BAAT: variants seen among roughly 807,000 people sequenced by gnomAD.
BAAT encodes bile acid CoA: amino acid N-acyltransferase (glycine N-choloyltransferase).
Under a neutral mutation model 18.9 loss-of-function variants are expected in BAAT, and 13 were observed. The ratio of observed to expected loss-of-function variants is 0.69; its 90% CI spans 0.45 to 1.10. The LOEUF (loss-of-function observed/expected upper bound fraction) is 1.10, where lower values mean the gene tolerates loss of function less well. Among genes scored for constraint, BAAT ranks in the 50% least tolerant of loss-of-function variants. BAAT has a pLI of 0.00. For missense variants in BAAT, 489 were observed against 504.0 expected, an observed-to-expected ratio of 0.97 and a Z score of 0.28; for synonymous variants, 170 against 190.7, an observed-to-expected ratio of 0.89 and a Z score of 0.89.
rs182906648 is a variant in BAAT at position 101,381,619 on chromosome 9, A to C, written c.-60+3236T>G. The stretch of plus-strand genomic sequence containing the variant: ...AAGCAAGTGGTTATTTTTCAGAAAC[A>C]CATTGTCAAAAAAAGACAGATTGAA... On this transcript the variant is annotated intron_variant, in intron 1 of 3. Transcript: ENST00000259407. Among the ~76,000 whole-genome samples the C allele has an allele frequency of 4.6e-5, 7 of 152,304 alleles. No homozygotes were observed. In the East Asian group the frequency reaches 1.4e-3, roughly 29 times the overall value.
Position 101,371,043 on chromosome 9 carries a change from G to A in BAAT, c.362C>T (p.Ala121Val), listed in dbSNP as rs780894395. ...ELIVNNKVAS[A>V]PKASLTLERW... ...CTCCAAAGTCAGGCTGGCCTTTGGAGCACTGGCAACTTTATTGTTCACTAT... is the reference window on the plus strand; with the variant it reads ...CTCCAAAGTCAGGCTGGCCTTTGGAACACTGGCAACTTTATTGTTCACTAT... The change falls in exon 2 of 4, where the codon GCT becomes GTT. Residue 121 changes from alanine (A) to valine (V), a missense_variant. By Grantham distance (64) the Ala-to-Val change is moderately conservative (BLOSUM62 0). Transcript: ENST00000259407. 8.1e-6 allele frequency: 13 copies of A among 1,614,120 alleles called. No homozygotes were observed. The highest frequency in any genetic ancestry group is 9.3e-6 in the Non-Finnish European group (11 of 1,180,016).
At chr9:101,370,490 T>C (rs200325015) in intron 2 of BAAT, among the ~76,000 whole-genome samples, 1 of 152,058 alleles carries the variant, frequency 6.6e-6, no homozygotes, top group East Asian at 1.9e-4. Context: ...AATTTTTTAG[T>C]ATTTATAGAG....
chr9:101,360,846 G>T lies in BAAT; in HGVS notation c.*1582C>A. The T allele has an allele frequency of 6.4e-6, 1 of 157,260 alleles. No homozygotes were observed. 9.7% of individuals were successfully genotyped at this position (157,260 alleles called of 1,614,324 possible). On this transcript the variant is annotated 3_prime_UTR_variant, in exon 4 of 4. Coordinates refer to ENST00000259407, the MANE Select transcript of BAAT (RefSeq NM_001701.4). ...CATCATTGTAGCTATGCAGCCAAAT[G>T]CAAACAAACACTAAAAAAGCACTTG...
At chr9:101,377,456 G>C (rs1309397270) in intron 1 of BAAT, among the ~76,000 whole-genome samples, 1 of 152,182 alleles carries the variant, frequency 6.6e-6, no homozygotes, top group Non-Finnish European at 1.5e-5. Context: ...TTTCACAAGA[G>C]AGGGTAAAAT....
chr9:101,380,315 A>G (rs1386140572), intron 1 of BAAT, among the ~76,000 whole-genome samples: 5 of 152,212 alleles, frequency 3.3e-5, no homozygotes, highest in Non-Finnish European at 5.9e-5. Flanking sequence ...CCTATGGTAT[A>G]TCAACCCTGG....
intron 3 of BAAT, 94 bp from the exon 4 acceptor site, chr9:101,363,109 G>A: frequency 2.5e-6 from 3 of 1,206,070 alleles, no homozygotes; most frequent in Non-Finnish European, 3.6e-6. Context: ...TGGCTAATGA[G>A]AACAAAGCAA....
At position 101,363,035 on chromosome 9, in the gene BAAT, T is replaced by G; in HGVS notation, c.670-20A>C. On this transcript the variant is annotated intron_variant, in intron 3 of 3. Coordinates refer to ENST00000259407, the MANE Select transcript of BAAT (RefSeq NM_001701.4). The stretch of plus-strand genomic sequence containing the variant: ...AAAGACCTGAAAAAAATAATAGAAA[T>G]GAGAAATTATTCTAGCCTTCATTTA... 6.2e-7 allele frequency: 1 copy of G among 1,601,276 alleles called. No homozygotes were observed. The highest frequency in any genetic ancestry group is 8.5e-7 in the Non-Finnish European group (1 of 1,170,874).
At chr9:101,371,505 A>T in intron 1 of BAAT, 42 bp from the exon 2 acceptor site, 1 of 1,184,962 alleles carries the variant, frequency 8.4e-7, no homozygotes, top group East Asian at 2.5e-5. Flanking sequence ...TAAAGTAGAG[A>T]TAAGGGTTGA....
chr9:101,383,835 C>G (rs1830165736), intron 1 of BAAT, among the ~76,000 whole-genome samples: 1 of 152,110 alleles, frequency 6.6e-6, no homozygotes, highest in Admixed American at 6.5e-5. Context: ...CTCAAGGTAA[C>G]TTCTGGAGGG....
Position 101,362,895 on chromosome 9 carries a change from A to G in BAAT, c.790T>C (p.Phe264Leu). 4 of 1,614,142 alleles carry G rather than the reference A, an allele frequency of 2.5e-6. No homozygotes were observed. The highest frequency in any genetic ancestry group is 1.7e-6 in the Non-Finnish European group (2 of 1,179,972). The change falls in exon 4 of 4, where the codon TTT becomes CTT. Residue 264 changes from phenylalanine to leucine, a missense_variant. Phe to Leu is a conservative substitution (Grantham distance 22, BLOSUM62 0). Transcript: ENST00000259407. ...TVLINGTNFP[F>L]GIPQVYHGQI... ...CCATGATATACCTGTGGAATGCCAAAAGGAAAGTTGGTCCCATTAATAAGT... is the reference window on the plus strand; with the variant it reads ...CCATGATATACCTGTGGAATGCCAAGAGGAAAGTTGGTCCCATTAATAAGT...
At chr9:101,372,509 GA>G (rs1344451479) in intron 1 of BAAT, among the ~76,000 whole-genome samples, 1 of 151,772 alleles carries the variant, frequency 6.6e-6, no homozygotes, top group Non-Finnish European at 1.5e-5. Flanking sequence ...TAAAAATTAA[GA>G]AATGCCCATC....
chr9:101,363,136 C>T, intron 3 of BAAT, 121 bp from the exon 4 acceptor site: 1 of 909,448 alleles, frequency 1.1e-6, no homozygotes, highest in Non-Finnish European at 1.7e-6. Context: ...ATCCTACCCA[C>T]ATCCCTAGCT....
At chr9:101,367,057 A>G (rs12350768) in intron 3 of BAAT, among the ~76,000 whole-genome samples, 302 of 144,316 alleles carry the variant, frequency 2.1e-3, no homozygotes, top group African/African-American at 7.6e-3. Flanking sequence ...GGTTGCAGTG[A>G]GCTGAGATTG....
At chr9:101,375,807 G>A (rs912622031) in intron 1 of BAAT, among the ~76,000 whole-genome samples, 1 of 152,242 alleles carries the variant, frequency 6.6e-6, no homozygotes, top group East Asian at 1.9e-4. Context: ...CACTAGCTGC[G>A]ATTCCGGCTT....
chr9:101,367,116 G>GA (rs66591298), intron 3 of BAAT, among the ~76,000 whole-genome samples: 1,977 of 99,726 alleles, frequency 0.02, 16 homozygotes, highest in Non-Finnish European at 0.023. Context: ...GTCAAAAAAA[G>GA]AAAAAAAAAA....
At chr9:101,371,873 C>G (rs1240375581) in intron 1 of BAAT, among the ~76,000 whole-genome samples, 4 of 152,080 alleles carry the variant, frequency 2.6e-5, no homozygotes, top group African/African-American at 9.7e-5. Flanking sequence ...TCACGCTAAT[C>G]CCTTCCTCAA....
chr9:101,383,026 C>T (rs1175032767), intron 1 of BAAT, among the ~76,000 whole-genome samples: 5 of 152,060 alleles, frequency 3.3e-5, no homozygotes, highest in Admixed American at 3.3e-4. Context: ...AAGAAAATTA[C>T]CCTTCAAACA....
intron 3 of BAAT, among the ~76,000 whole-genome samples, chr9:101,364,723 C>G (rs1014048017): frequency 6.6e-6 from 1 of 152,146 alleles, no homozygotes; most frequent in African/African-American, 2.4e-5. Flanking sequence ...TGGTGCATAG[C>G]TTTGAAAGAT....
chr9:101,368,088 G>T (rs1253084378), intron 3 of BAAT, 32 bp downstream of exon 3: 1 of 1,589,180 alleles, frequency 6.3e-7, no homozygotes, highest in African/African-American at 1.3e-5. Context: ...AAAACCCCAG[G>T]GACTCAAACC....
Sources: gnomAD v4.1 joint callset for allele counts (sites outside exome capture counted in the v4.1 genomes callset) on GRCh38, gnomAD v4.1.1 for gene constraint, MANE v1.5 for transcripts, NCBI Gene and HGNC (gene_info 2026-07-23, HGNC 2026-07-21) for gene names.